The following MICOS10 variants were observed in gnomAD, a reference collection of about 807,000 sequenced individuals.
MICOS10 encodes mitochondrial contact site and cristae organizing system subunit 10.
A neutral mutation model predicts 13.4 loss-of-function variants in MICOS10; 5 were observed. That is an observed-to-expected ratio of 0.37 (90% CI 0.20 to 0.78). The LOEUF (loss-of-function observed/expected upper bound fraction) is 0.78. MICOS10 is among the 30% of genes least tolerant of loss of function. The pLI, the probability that MICOS10 is intolerant of heterozygous loss-of-function variation, is 0.47. For synonymous variants in MICOS10, 35 were observed against 33.6 expected, an observed-to-expected ratio of 1.04 and a Z score of -0.15; for missense variants, 101 against 94.6, an observed-to-expected ratio of 1.07 and a Z score of -0.28.
chr1:19,607,746 G>A (rs759172599), intron 1 of MICOS10, among the ~76,000 whole-genome samples: 1 of 152,148 alleles, frequency 6.6e-6, no homozygotes, highest in Non-Finnish European at 1.5e-5. Context: ...CTCTGAAAAT[G>A]TAAACAATCC....
intron 1 of MICOS10, among the ~76,000 whole-genome samples, chr1:19,609,868 G>A (rs2094852184): frequency 6.6e-6 from 1 of 152,202 alleles, no homozygotes; most frequent in African/African-American, 2.4e-5. Flanking sequence ...AGCCTGGCTG[G>A]GCACGGTGGC....
intron 1 of MICOS10, chr1:19,617,157 T>C (rs2094887258): frequency 7.5e-6 from 3 of 402,306 alleles, no homozygotes; most frequent in Non-Finnish European, 1.0e-5. Context: ...CTTTTTGAGT[T>C]TGGCTTTTCT....
intron 1 of MICOS10, chr1:19,608,411 A>C: frequency 7.9e-7 from 1 of 1,264,222 alleles, no homozygotes; most frequent in Non-Finnish European, 1.2e-6. Flanking sequence ...ACTCCGGGCC[A>C]CAGGAGGAAA....
chr1:19,600,200 G>A (rs989454444), intron 1 of MICOS10, among the ~76,000 whole-genome samples: 3 of 152,146 alleles, frequency 2.0e-5, no homozygotes, highest in Non-Finnish European at 2.9e-5. Context: ...GTGATTGTGA[G>A]GTGATAAAAG....
rs1570456294 is a variant in MICOS10 at position 19,597,114 on chromosome 1, G to C, written c.64+5G>C. The C allele has an allele frequency of 6.2e-7, 1 of 1,600,228 alleles. No individual in the cohort carries two copies. The highest frequency in any genetic ancestry group is 1.4e-5 in the African/African-American group (1 of 73,380). On this transcript the variant is annotated splice_donor_5th_base_variant and intron_variant, in intron 1 of 3. Coordinates refer to ENST00000322753, the MANE Select transcript of MICOS10 (RefSeq NM_001032363.4). ...CGGATGCGGTCGTGAAGATAGGTAA[G>C]GGGCTTTTCGCCCCAGCAGGCCCGG... is the stretch of plus-strand genomic sequence containing the variant.
chr1:19,601,042 C>T, intron 1 of MICOS10: 1 of 1,277,846 alleles, frequency 7.8e-7, no homozygotes, highest in Non-Finnish European at 1.0e-6. Flanking sequence ...GGGTTATTTT[C>T]CCACCTGTTT....
At chr1:19,617,351 A>G in intron 1 of MICOS10, 1 of 958,352 alleles carries the variant, frequency 1.0e-6, no homozygotes, top group Non-Finnish European at 1.2e-6. Context: ...GGTCTTGTAA[A>G]ATAGCCACCT....
intron 1 of MICOS10, among the ~76,000 whole-genome samples, chr1:19,597,628 G>C (rs189530933): frequency 3.4e-4 from 52 of 152,304 alleles, no homozygotes; most frequent in African/African-American, 1.2e-3. Context: ...AGAGTAGTCT[G>C]GGGCCTGAAC....
At chr1:19,608,662 C>T (rs1187537964) in intron 1 of MICOS10, 1 of 621,376 alleles carries the variant, frequency 1.6e-6, no homozygotes, top group Admixed American at 2.9e-5. Flanking sequence ...TCCTTTGTGA[C>T]CTTGGAGTCA....
chr1:19,619,299 T>G (rs1339313495), intron 1 of MICOS10, among the ~76,000 whole-genome samples: 1 of 152,228 alleles, frequency 6.6e-6, no homozygotes, highest in African/African-American at 2.4e-5. Flanking sequence ...TATAGCCTAC[T>G]TGTTAATTCC....
Position 19,628,004 on chromosome 1 carries a change from AT to A in MICOS10, c.*1605del, listed in dbSNP as rs1185977841. ...TTCACTTGGTCCTCTTCATTCTATG[AT>A]TAAGGCAACCCATATAATTGAAAGA... On this transcript the variant is annotated 3_prime_UTR_variant, in exon 4 of 4. Transcript: ENST00000322753. 6.6e-6 allele frequency: 1 copy of A among 152,144 alleles called. No individual in the cohort carries two copies. The highest frequency in any genetic ancestry group is 6.5e-5 in the Admixed American group (1 of 15,272). The allele number at this position is 152,144 out of a possible 1,614,324, so 9.4% of individuals were successfully genotyped here.
rs759480819 is a variant in MICOS10, at chr1:19,622,156, C to T, written c.112+9C>T. On this transcript the variant is annotated intron_variant, in intron 2 of 3. Coordinates refer to ENST00000322753, the MANE Select transcript of MICOS10 (RefSeq NM_001032363.4). The stretch of plus-strand genomic sequence containing the variant: ...ACTTACCTTCTTTAAAAGTAAGTGT[C>T]ACTCTGTCTTTTCAACATAATGTCA... 2 of 1,603,120 alleles carry T rather than the reference C, an allele frequency of 1.2e-6. No homozygotes were observed. The highest frequency in any genetic ancestry group is 1.3e-5 in the African/African-American group (1 of 74,656).
chr1:19,617,110 TG>T (rs1402743186), intron 1 of MICOS10: 1 of 167,758 alleles, frequency 6.0e-6, no homozygotes, highest in Non-Finnish European at 1.2e-5. Flanking sequence ...TTCTGGAAGT[TG>T]AACTAAGTGC....
At chr1:19,618,552 C>G (rs924736269) in intron 1 of MICOS10, among the ~76,000 whole-genome samples, 1 of 152,092 alleles carries the variant, frequency 6.6e-6, no homozygotes, top group Non-Finnish European at 1.5e-5. Context: ...ATGTAGCAAC[C>G]CTGTAAGGTT....
rs557546827 is a variant in MICOS10, at chr1:19,628,800, G to C, written c.*2399G>C. 1 of 151,846 alleles carries C rather than the reference G, an allele frequency of 6.6e-6. No individual in the cohort carries two copies. Among genetic ancestry groups the C allele is most frequent in the Admixed American group, 6.6e-5 (1 of 15,266 alleles). The allele number at this position is 151,846 out of a possible 1,614,324, so 9.4% of individuals were successfully genotyped here. A position where few individuals can be genotyped will look rare whatever the true frequency, so the allele number is the denominator to read the frequency against. On this transcript the variant is annotated 3_prime_UTR_variant, in exon 4 of 4. Coordinates refer to ENST00000322753, the MANE Select transcript of MICOS10 (RefSeq NM_001032363.4). ...TCCAAAAAAGACAAAACACAAGGTA[G>C]CCACAAATTCCCTAGACACATTAGA...
Position 19,626,487 on chromosome 1 carries a change from A to G in MICOS10, c.*86A>G. ...CTGAAGTGCCCTGGAGTAAGCTGCC[A>G]TTCTTCTGTAACAATGTTATCAGTA... On this transcript the variant is annotated 3_prime_UTR_variant, in exon 4 of 4. Transcript: ENST00000322753. 7.0e-7 allele frequency: 1 copy of G among 1,432,586 alleles called. No individual in the cohort carries two copies. The highest frequency in any genetic ancestry group is 9.8e-7 in the Non-Finnish European group (1 of 1,020,906). 88.7% of individuals were successfully genotyped at this position (1,432,586 alleles called of 1,614,324 possible). A position where few individuals can be genotyped will look rare whatever the true frequency, so the allele number is the denominator to read the frequency against.
At chr1:19,608,432 A>T in intron 1 of MICOS10, 1 of 1,279,184 alleles carries the variant, frequency 7.8e-7, no homozygotes, top group Non-Finnish European at 1.1e-6. Flanking sequence ...TAGGACCAAG[A>T]CCCTTGGACC....
chr1:19,607,645 G>A (rs2094840315), intron 1 of MICOS10, among the ~76,000 whole-genome samples: 1 of 152,110 alleles, frequency 6.6e-6, no homozygotes, highest in African/African-American at 2.4e-5. Context: ...TGCTTTCCCA[G>A]CAACTCGGGA....
At position 19,597,683 on chromosome 1, in the gene MICOS10, G is replaced by C. The variant is rs1357532536; in HGVS notation, c.64+574G>C. Among the ~76,000 whole-genome samples, 4 of 152,350 alleles carry C rather than the reference G, an allele frequency of 2.6e-5. No homozygotes were observed. The South Asian group carries it at 8.3e-4, about 32-fold the overall frequency. On this transcript the variant is annotated intron_variant, in intron 1 of 3. Transcript: ENST00000322753. ...GAATGAGAATTGCGCTGGAAAGTAA[G>C]AAGTTGTTCACGTTAAGTTTTTCTG...
Sources: allele counts gnomAD v4.1 joint callset (sites outside exome capture counted in the v4.1 genomes callset), GRCh38; gene constraint gnomAD v4.1.1; transcripts MANE v1.5; gene names NCBI Gene and HGNC (gene_info 2026-07-23, HGNC 2026-07-21).